The following PDE4D variants were observed in gnomAD, a reference collection of about 807,000 sequenced individuals.
PDE4D encodes the protein phosphodiesterase 4D.
Under a neutral mutation model 87.4 loss-of-function variants are expected in PDE4D, and 24 were observed. That is an observed-to-expected ratio of 0.27 (90% CI 0.20 to 0.39). The LOEUF is 0.39. Ranked by LOEUF, PDE4D falls within the 10% of genes least tolerant of loss-of-function variation. The pLI is 1.00. For synonymous variants in PDE4D, 384 were observed against 383.2 expected (o/e 1.00, Z -0.02); for missense variants, 714 against 1,041.0 (o/e 0.69, Z 4.32).
At chr5:60,004,579 A>T (rs961531789) in intron 2 of PDE4D, among the ~76,000 whole-genome samples, 39 of 152,234 alleles carry the variant, frequency 2.6e-4, no homozygotes, top group African/African-American at 8.4e-4. Context: ...GGCTGAGTGT[A>T]CCTGATATGT....
chr5:60,489,517 GACAGAAA>G (rs1749404902), upstream of PDE4D: 1 of 152,192 alleles, frequency 6.6e-6, no homozygotes, highest in East Asian at 1.9e-4. Context: ...CGTTGCAATA[GACAGAAA>G]ACAGAAAAAG....
At position 58,975,304 on chromosome 5, in the gene PDE4D, C is replaced by T. The variant is rs1390598916; in HGVS notation, c.2014-224G>A. Among the ~76,000 whole-genome samples the T allele has an allele frequency of 2.6e-5, 4 of 152,010 alleles. No homozygotes were observed. Among genetic ancestry groups the T allele is most frequent in the Admixed American group, 6.5e-5 (1 of 15,270 alleles). Reference sequence around the variant, plus strand: ...AGAACCTTTGGTTAAAGAGCATGTTCTATAGCATAAAAAATTTTCCAGTTG... The same window carrying T: ...AGAACCTTTGGTTAAAGAGCATGTTTTATAGCATAAAAAATTTTCCAGTTG... On this transcript the variant is annotated intron_variant, in intron 14 of 14. Coordinates refer to ENST00000340635, the MANE Select transcript of PDE4D (RefSeq NM_001104631.2). The surrounding 1 kb of genome is among the most constrained non-coding windows in gnomAD (Gnocchi z 4.2).
intron 5 of PDE4D, among the ~76,000 whole-genome samples, chr5:59,168,355 G>C (rs917549831): frequency 6.6e-6 from 1 of 152,142 alleles, no homozygotes; most frequent in Non-Finnish European, 1.5e-5. Context: ...GCGTTACCCT[G>C]GTTCCTCCGA....
intron 1 of PDE4D, among the ~76,000 whole-genome samples, chr5:60,457,436 T>C (rs1004267563): frequency 6.6e-6 from 1 of 152,194 alleles, no homozygotes; most frequent in African/African-American, 2.4e-5. Context: ...TCCTCATGTT[T>C]CCTGTCCTTA....
rs1489194694 is a variant in PDE4D at position 59,175,779 on chromosome 5, C to G, written c.808+4816G>C. Among the ~76,000 whole-genome samples the G allele has an allele frequency of 6.4e-5, 7 of 109,890 alleles. No individual in the cohort carries two copies. In the Admixed American group the frequency reaches 8.1e-4, roughly 13 times the overall value. 72.1% of individuals were successfully genotyped at this position (109,890 alleles called of 152,430 possible). On this transcript the variant is annotated intron_variant, in intron 5 of 14. Transcript: ENST00000340635. Reference sequence around the variant, plus strand: ...AGGCATGAGCCACCATGCCCGGCCTCCATTTTTTTTTTTTTTTTTTTTTTT... The same window carrying G: ...AGGCATGAGCCACCATGCCCGGCCTGCATTTTTTTTTTTTTTTTTTTTTTT...
intron 2 of PDE4D, among the ~76,000 whole-genome samples, chr5:60,016,266 TAC>T (rs765135768): frequency 6.6e-6 from 1 of 152,128 alleles, no homozygotes; most frequent in Non-Finnish European, 1.5e-5. Flanking sequence ...CTAAAAAGTG[TAC>T]ACACTTTAGT....
intron 1 of PDE4D, among the ~76,000 whole-genome samples, chr5:59,666,576 A>G (rs564855530): frequency 1.3e-5 from 2 of 152,234 alleles, no homozygotes; most frequent in Non-Finnish European, 2.9e-5. Flanking sequence ...TCCAAGGAGA[A>G]GCCATACAGT....
chr5:60,054,827 A>T (rs566772787), intron 2 of PDE4D, among the ~76,000 whole-genome samples: 1 of 152,296 alleles, frequency 6.6e-6, no homozygotes, highest in African/African-American at 2.4e-5. Flanking sequence ...AAACAAACTA[A>T]TAAACAAAAC....
At chr5:59,504,088 T>C (rs974463988) in intron 1 of PDE4D, among the ~76,000 whole-genome samples, 2 of 151,110 alleles carry the variant, frequency 1.3e-5, no homozygotes, top group African/African-American at 4.8e-5. Context: ...AACCAAAAGA[T>C]AACAGATAAA....
chr5:59,965,573 G>C (rs1399402514), intron 3 of PDE4D, among the ~76,000 whole-genome samples: 3 of 152,108 alleles, frequency 2.0e-5, no homozygotes, highest in Non-Finnish European at 4.4e-5. Flanking sequence ...TTCAGAGAGG[G>C]CGCACAATCA....
intron 1 of PDE4D, among the ~76,000 whole-genome samples, chr5:59,616,837 A>G (rs72769745): frequency 0.034 from 5,129 of 148,806 alleles, 153 homozygotes; most frequent in Non-Finnish European, 0.055. Flanking sequence ...AAGGATATCT[A>G]TATATATCTA....
chr5:60,006,300 C>G (rs140374247), intron 2 of PDE4D, among the ~76,000 whole-genome samples: 2 of 145,426 alleles, frequency 1.4e-5, no homozygotes, highest in East Asian at 3.9e-4. Context: ...ATTACTTTCG[C>G]GCCAACCAAT....
At chr5:59,698,708 C>T (rs1226444367) in intron 1 of PDE4D, among the ~76,000 whole-genome samples, 1 of 152,036 alleles carries the variant, frequency 6.6e-6, no homozygotes, top group Non-Finnish European at 1.5e-5. Flanking sequence ...CAAAAGAAAA[C>T]CATAATTACA....
intron 11 of PDE4D, among the ~76,000 whole-genome samples, chr5:58,986,231 G>A (rs1157316039): frequency 6.6e-6 from 1 of 152,206 alleles, no homozygotes; most frequent in Non-Finnish European, 1.5e-5. Flanking sequence ...GACATCCTAA[G>A]GAGATAAAAT....
At position 59,928,474 on chromosome 5, in the gene PDE4D, G is replaced by A. The variant is rs547022577; in HGVS notation, c.272+60014C>T. Among the ~76,000 whole-genome samples the A allele has an allele frequency of 3.3e-5, 5 of 152,044 alleles. No individual in the cohort carries two copies. In the East Asian group the frequency reaches 7.8e-4, roughly 24 times the overall value. ...GCGCCTATAATCCCAGCTAGTCGGG[G>A]GGCTGAGACAGGAGAATCACTTGAA... On this transcript the variant is annotated intron_variant, in intron 3 of 16. Coordinates refer to the PDE4D transcript ENST00000502484.
intron 3 of PDE4D, among the ~76,000 whole-genome samples, chr5:59,187,584 T>C (rs1454521663): frequency 6.6e-6 from 1 of 152,128 alleles, no homozygotes; most frequent in Non-Finnish European, 1.5e-5. Context: ...TACTTCAAAA[T>C]AAAAAGTGAA....
chr5:59,082,283 A>G (rs1162064168), intron 5 of PDE4D, among the ~76,000 whole-genome samples: 1 of 152,200 alleles, frequency 6.6e-6, no homozygotes, highest in Non-Finnish European at 1.5e-5. Flanking sequence ...ATTAACAATG[A>G]AATCAGAAAC....
intron 5 of PDE4D, among the ~76,000 whole-genome samples, chr5:59,132,192 T>C (rs1246261568): frequency 6.6e-6 from 1 of 152,186 alleles, no homozygotes; most frequent in Admixed American, 6.6e-5. Context: ...TCCCCCACCG[T>C]TCTTTGGAAT....
chr5:60,420,720 G>T (rs995111212), intron 1 of PDE4D, among the ~76,000 whole-genome samples: 1 of 152,244 alleles, frequency 6.6e-6, no homozygotes, highest in Non-Finnish European at 1.5e-5. Flanking sequence ...GCAGCCCATG[G>T]AGCGGGAGCC....
Sources: allele counts gnomAD v4.1 joint callset (sites outside exome capture counted in the v4.1 genomes callset), GRCh38; gene constraint gnomAD v4.1.1; non-coding constraint Gnocchi (gnomAD v3.1); transcripts MANE v1.5; gene names NCBI Gene and HGNC (gene_info 2026-07-23, HGNC 2026-07-21).